Variants in NFILZ observed in about 807,000 individuals in gnomAD.
The protein encoded by NFILZ is NFIL3 like basic leucine zipper, also known as NFIL3 like protein.
At chr19:8,675,139 A>G (rs924719646) in intron 4 of NFILZ, among the ~76,000 whole-genome samples, 1 of 152,236 alleles carries the variant, frequency 6.6e-6, no homozygotes, top group Non-Finnish European at 1.5e-5. Flanking sequence ...AGTAGACCAA[A>G]AAAGACATAC....
At chr19:8,666,214 A>ATCT (rs369272912) in intron 3 of NFILZ, among the ~76,000 whole-genome samples, 1 of 151,950 alleles carries the variant, frequency 6.6e-6, no homozygotes, top group African/African-American at 2.4e-5. Context: ...TATGCTGAGT[A>ATCT]TCTTCTTCTT....
At chr19:8,642,157 T>A (rs1302880754) in intron 3 of NFILZ, among the ~76,000 whole-genome samples, 1 of 151,040 alleles carries the variant, frequency 6.6e-6, no homozygotes, top group Non-Finnish European at 1.5e-5. Context: ...GCTCTAATTT[T>A]TATCACCGTT....
chr19:8,633,882 CCTT>C, intron 2 of NFILZ, among the ~76,000 whole-genome samples: 2 of 29,160 alleles, frequency 6.9e-5, no homozygotes, highest in East Asian at 1.3e-3. Context: ...TTTCTCCCTT[CCTT>C]CCTTCCTTCC....
At chr19:8,673,911 G>T (rs2043099666) in intron 3 of NFILZ, among the ~76,000 whole-genome samples, 1 of 152,178 alleles carries the variant, frequency 6.6e-6, no homozygotes, top group Non-Finnish European at 1.5e-5. Flanking sequence ...CGCAATCTTG[G>T]CTCACTGCAA....
intron 3 of NFILZ, among the ~76,000 whole-genome samples, chr19:8,647,800 C>CACACACACAA (rs2042947899): frequency 1.1e-5 from 1 of 94,730 alleles, no homozygotes; most frequent in Non-Finnish European, 2.1e-5. Context: ...CGCGCGCACA[C>CACACACACAA]ACACACACAC....
intron 3 of NFILZ, among the ~76,000 whole-genome samples, chr19:8,668,925 C>G (rs1477630175): frequency 3.3e-5 from 5 of 152,054 alleles, no homozygotes; most frequent in African/African-American, 1.2e-4. Context: ...CAGAGTGTGG[C>G]CGGAGAAGTC....
At chr19:8,674,466 T>C (rs1361741710) in intron 3 of NFILZ, among the ~76,000 whole-genome samples, 85 bp from the exon 4 acceptor site, 1 of 152,108 alleles carries the variant, frequency 6.6e-6, no homozygotes, top group Non-Finnish European at 1.5e-5. Flanking sequence ...CAAATTGTTT[T>C]GTGAAGTATA....
chr19:8,646,706 GTCAC>G (rs2042940530), intron 3 of NFILZ, among the ~76,000 whole-genome samples: 1 of 152,108 alleles, frequency 6.6e-6, no homozygotes, highest in Non-Finnish European at 1.5e-5. Context: ...CTGTCCCCAC[GTCAC>G]TCAGCCCTCA....
In NFILZ at chr19:8,647,795, GCACACACACACA is replaced by G. The variant is rs879996864; in HGVS notation, c.-164+12080_-164+12091del. On this transcript the variant is annotated intron_variant, in intron 3 of 5. Coordinates refer to ENST00000691075, the MANE Select transcript of NFILZ (RefSeq NM_001378600.1). ...CGCACACATGCGCGCGCGCGCGCGC[GCACACACACACA>G]CACACACACACACACACACACACAC... Among the ~76,000 whole-genome samples, 73 of 76,300 alleles carry G rather than the reference GCACACACACACA, an allele frequency of 9.6e-4. 1 individual carries two copies. The highest frequency in any genetic ancestry group is 8.7e-3 in the Admixed American group (61 of 6,980). The allele number at this position is 76,300 out of a possible 152,430, so 50.1% of individuals were successfully genotyped here. A position where few individuals can be genotyped will look rare whatever the true frequency, so the allele number is the denominator to read the frequency against.
chr19:8,665,792 A>G (rs1248384655), intron 3 of NFILZ, among the ~76,000 whole-genome samples: 1 of 152,210 alleles, frequency 6.6e-6, no homozygotes, highest in African/African-American at 2.4e-5. Flanking sequence ...ATCTCATGTA[A>G]ATGAAAACAA....
intron 3 of NFILZ, among the ~76,000 whole-genome samples, chr19:8,639,035 G>C (rs1033721552): frequency 6.6e-6 from 1 of 151,954 alleles, no homozygotes; most frequent in Non-Finnish European, 1.5e-5. Context: ...ATAGAGACAG[G>C]CTTTCACCAC....
At chr19:8,642,575 G>A (rs1354018782) in intron 3 of NFILZ, among the ~76,000 whole-genome samples, 1 of 152,008 alleles carries the variant, frequency 6.6e-6, no homozygotes, top group African/African-American at 2.4e-5. Context: ...TGACTACCTT[G>A]GATTGCTTCA....
chr19:8,673,210 TG>T (rs1379600345), intron 3 of NFILZ, among the ~76,000 whole-genome samples: 17 of 152,254 alleles, frequency 1.1e-4, no homozygotes, highest in African/African-American at 4.1e-4. Context: ...TGACTGTCCC[TG>T]GGTCAGCCAC....
rs73505774 is a variant in NFILZ, at chr19:8,680,439, G to A, written c.*2804G>A. ...AAAAGTCTGAAAATCATATGCAGCCGAGTTGGCAGTCTTTTCTTTTGTGGT... is the reference window on the plus strand; with the variant it reads ...AAAAGTCTGAAAATCATATGCAGCCAAGTTGGCAGTCTTTTCTTTTGTGGT... On this transcript the variant is annotated 3_prime_UTR_variant, in exon 6 of 6. Coordinates refer to ENST00000691075, the MANE Select transcript of NFILZ (RefSeq NM_001378600.1). Among the ~76,000 whole-genome samples, 3,904 of 152,114 alleles carry A rather than the reference G, an allele frequency of 0.026. 171 individuals are homozygous for A. The highest frequency in any genetic ancestry group is 0.088 in the African/African-American group (3,670 of 41,482).
chr19:8,641,222 G>GT (rs1222281882), intron 3 of NFILZ, among the ~76,000 whole-genome samples: 1,904 of 147,232 alleles, frequency 0.013, 43 homozygotes, highest in African/African-American at 0.044. Context: ...ACTAATGTTT[G>GT]TTTTTTTTTT....
chr19:8,649,821 A>G (rs2042957122), intron 3 of NFILZ, among the ~76,000 whole-genome samples: 1 of 152,080 alleles, frequency 6.6e-6, no homozygotes. Flanking sequence ...ACCCTGAAAA[A>G]AAAAATCTTT....
At chr19:8,666,586 A>G (rs2043063294) in intron 3 of NFILZ, among the ~76,000 whole-genome samples, 1 of 152,198 alleles carries the variant, frequency 6.6e-6, no homozygotes, top group South Asian at 2.1e-4. Context: ...TGAGGCTTAG[A>G]GAGGTTAAGT....
At position 8,658,284 on chromosome 19, in the gene NFILZ, G is replaced by A. The variant is rs192906416; in HGVS notation, c.-163-16267G>A. Among the ~76,000 whole-genome samples, 498 of 152,206 alleles carry A rather than the reference G, an allele frequency of 3.3e-3. 3 individuals carry two copies. The highest frequency in any genetic ancestry group is 0.011 in the African/African-American group (474 of 41,518). ...ATCTTCCTAACAGGCTCAGCTGCGG[G>A]CACTTCCCCTACAGCTGGGGTTCTC... On this transcript the variant is annotated intron_variant, in intron 3 of 5. Transcript: ENST00000691075.
intron 3 of NFILZ, among the ~76,000 whole-genome samples, chr19:8,644,242 A>G (rs1188489916): frequency 6.6e-6 from 1 of 152,050 alleles, no homozygotes; most frequent in African/African-American, 2.4e-5. Context: ...CTGGGATTAC[A>G]GGCGATTGCT....
Sources: gnomAD v4.1 joint callset for allele counts (sites outside exome capture counted in the v4.1 genomes callset) on GRCh38, gnomAD v4.1.1 for gene constraint, MANE v1.5 for transcripts, NCBI Gene and HGNC (gene_info 2026-07-23, HGNC 2026-07-21) for gene names.